ATP2B2: variants seen among roughly 807,000 people sequenced by gnomAD.
ATP2B2 encodes the protein ATPase plasma membrane Ca2+ transporting 2.
ATP2B2 carries 15 observed loss-of-function variants against 120.0 expected under a neutral mutation model. That is an observed-to-expected ratio of 0.12 (90% CI 0.08 to 0.19). ATP2B2 has a LOEUF of 0.19. ATP2B2 is among the 10% of genes least tolerant of loss of function. The probability of loss-of-function intolerance (pLI) is 1.00; values close to 1 mark genes in which losing one functional copy is unlikely to be tolerated. For synonymous variants in ATP2B2, 694 were observed against 700.3 expected (o/e 0.99, Z 0.14); for missense variants, 1,045 against 1,719.8 (o/e 0.61, Z 6.94).
intron 3 of ATP2B2, among the ~76,000 whole-genome samples, chr3:10,514,974 A>G (rs2066848513): frequency 6.6e-6 from 1 of 151,990 alleles, no homozygotes; most frequent in Admixed American, 6.6e-5. Flanking sequence ...AGCCTTCCTG[A>G]CCTCCCCAGG....
intron 2 of ATP2B2, chr3:10,570,470 T>G (rs1317198808): frequency 1.3e-5 from 2 of 150,826 alleles, no homozygotes; most frequent in East Asian, 3.8e-4. Context: ...TGTTAGTGAT[T>G]TTAAGAAACC....
In ATP2B2 at chr3:10,347,055, C is replaced by A. The variant is rs1448426375; in HGVS notation, c.2405-918G>T. The stretch of plus-strand genomic sequence containing the variant: ...ACACCCATGTCTGAACCAGTTCCGT[C>A]CCCCAGCCATCCCCGGAATGTCGTT... On this transcript the variant is annotated intron_variant, in intron 16 of 22. Coordinates refer to ENST00000360273, the MANE Select transcript of ATP2B2 (RefSeq NM_001001331.4). This position sits in a 1 kb window ranked among gnomAD's most constrained non-coding sequence, Gnocchi z 5.2. Among the ~76,000 whole-genome samples, 1 of 152,178 alleles carries A rather than the reference C, an allele frequency of 6.6e-6. No individual in the cohort carries two copies. Among genetic ancestry groups the A allele is most frequent in the Non-Finnish European group, 1.5e-5 (1 of 68,026 alleles).
At chr3:10,613,015 G>T (rs1254120097) in intron 2 of ATP2B2, among the ~76,000 whole-genome samples, 2 of 152,164 alleles carry the variant, frequency 1.3e-5, no homozygotes, top group Non-Finnish European at 2.9e-5. Flanking sequence ...ACAGAGTTGG[G>T]GCTTTGAGCC....
At chr3:10,502,139 G>C (rs1325528053) in intron 1 of ATP2B2, among the ~76,000 whole-genome samples, 1 of 152,176 alleles carries the variant, frequency 6.6e-6, no homozygotes, top group African/African-American at 2.4e-5. Flanking sequence ...TCTGACCTCC[G>C]ATCTGCAAAC....
At chr3:10,376,010 T>C (rs540886274) in intron 10 of ATP2B2, among the ~76,000 whole-genome samples, 8 of 152,342 alleles carry the variant, frequency 5.3e-5, no homozygotes, top group African/African-American at 1.4e-4. Context: ...ATGGTTTGCA[T>C]TGAGCTTTCA....
At chr3:10,670,562 C>T (rs865939117) in intron 1 of ATP2B2, among the ~76,000 whole-genome samples, 8 of 151,960 alleles carry the variant, frequency 5.3e-5, no homozygotes, top group Admixed American at 1.3e-4. Flanking sequence ...GGATTACAGG[C>T]GCCCGCCACC....
chr3:10,441,497 C>A lies in ATP2B2; in HGVS notation c.199+7848G>T, dbSNP rs569228393. ...TCAAGTGATCCACCTACCTTGGCCT[C>A]CCAAAGTGCTGGGATTACTGGTGCG... is the stretch of plus-strand genomic sequence containing the variant. On this transcript the variant is annotated intron_variant, in intron 2 of 22. Coordinates refer to ENST00000360273, the MANE Select transcript of ATP2B2 (RefSeq NM_001001331.4). Among the ~76,000 whole-genome samples the A allele has an allele frequency of 4.6e-4, 70 of 152,354 alleles. 1 individual carries two copies. Among genetic ancestry groups the A allele is most frequent in the Admixed American group, 4.4e-3 (68 of 15,310 alleles).
chr3:10,498,932 T>C (rs931270277), intron 1 of ATP2B2, among the ~76,000 whole-genome samples: 4 of 152,176 alleles, frequency 2.6e-5, no homozygotes, highest in Non-Finnish European at 5.9e-5. Context: ...ATATTTCGAA[T>C]GCCTGGCATG....
chr3:10,501,358 C>T (rs2066381851), intron 1 of ATP2B2, among the ~76,000 whole-genome samples: 1 of 149,786 alleles, frequency 6.7e-6, no homozygotes, highest in Non-Finnish European at 1.5e-5. Flanking sequence ...CATAGCATAA[C>T]CCATTTTTTA....
intron 2 of ATP2B2, among the ~76,000 whole-genome samples, chr3:10,547,191 A>G (rs1287568970): frequency 1.3e-5 from 2 of 151,758 alleles, no homozygotes; most frequent in Non-Finnish European, 2.9e-5. Context: ...CTCACAGTAG[A>G]TGTAGGAAAT....
intron 2 of ATP2B2, chr3:10,534,163 G>A (rs2067263309): frequency 6.6e-6 from 1 of 152,610 alleles, no homozygotes; most frequent in South Asian, 2.1e-4. Flanking sequence ...GCATTAGTTA[G>A]GGGTGGGTGA....
chr3:10,629,586 C>G (rs906044370), intron 1 of ATP2B2, among the ~76,000 whole-genome samples: 2 of 152,158 alleles, frequency 1.3e-5, no homozygotes, highest in East Asian at 3.9e-4. Flanking sequence ...TTTTCAGAGG[C>G]AGAGGCATAG....
chr3:10,507,764 T>A (rs2066675157), upstream of ATP2B2, among the ~76,000 whole-genome samples: 1 of 152,198 alleles, frequency 6.6e-6, no homozygotes, highest in African/African-American at 2.4e-5. Context: ...CATTTGATCC[T>A]CCCAACTACC....
intron 2 of ATP2B2, among the ~76,000 whole-genome samples, chr3:10,585,718 C>T (rs1482086122): frequency 1.3e-5 from 2 of 152,054 alleles, no homozygotes; most frequent in Non-Finnish European, 2.9e-5. Flanking sequence ...TGTGTGTCTA[C>T]CTCCCTCTGT....
At position 10,345,482 on chromosome 3, in the gene ATP2B2, G is replaced by A. The variant is rs1559538483; in HGVS notation, c.2605C>T (p.Arg869Cys). Residue 869 changes from arginine (R) to cysteine (C), a missense_variant, in exon 18 of 23, where the codon CGC becomes TGC. Physicochemically the swap from Arg to Cys is radical, Grantham distance 180. This residue lies in a region of ATP2B2 where 98 missense variants were observed against 266.7 expected (regional missense o/e 0.37). Coordinates refer to ENST00000360273, the MANE Select transcript of ATP2B2 (RefSeq NM_001001331.4). ...SSIVKAVMWGRNVYDSISKFL... is the reference protein window; with the variant it reads ...SSIVKAVMWGCNVYDSISKFL... ...TTGGAGATGCTGTCATAGACGTTGCGGCCCCACATCACTGCCTTGACGATG... is the reference window on the plus strand; with the variant it reads ...TTGGAGATGCTGTCATAGACGTTGCAGCCCCACATCACTGCCTTGACGATG... 1 of 1,614,192 alleles carries A rather than the reference G, an allele frequency of 6.2e-7. No individual in the cohort carries two copies. The highest frequency in any genetic ancestry group is 8.5e-7 in the Non-Finnish European group (1 of 1,180,026).
chr3:10,703,227 AG>A (rs1162043986), intron 1 of ATP2B2, among the ~76,000 whole-genome samples: 2 of 152,150 alleles, frequency 1.3e-5, no homozygotes, highest in East Asian at 3.9e-4. Context: ...ACATGGGAAG[AG>A]GGATGGGCTA....
chr3:10,340,233 G>A lies in ATP2B2; in HGVS notation c.3237+9C>T. On this transcript the variant is annotated intron_variant, in intron 21 of 22. Coordinates refer to ENST00000360273, the MANE Select transcript of ATP2B2 (RefSeq NM_001001331.4). This position sits in a 1 kb window ranked among gnomAD's most constrained non-coding sequence, Gnocchi z 5.0. ...AACAGGCACCTCCTGCGACCTACCAGGAACTTACCTGGCCCCAAACGAGCT... is the reference window on the plus strand; with the variant it reads ...AACAGGCACCTCCTGCGACCTACCAAGAACTTACCTGGCCCCAAACGAGCT... 1 of 1,613,734 alleles carries A rather than the reference G, an allele frequency of 6.2e-7. No homozygotes were observed. Among genetic ancestry groups the A allele is most frequent in the Non-Finnish European group, 8.5e-7 (1 of 1,179,878 alleles).
At chr3:10,655,578 C>T (rs1023128502) in intron 1 of ATP2B2, among the ~76,000 whole-genome samples, 2 of 152,198 alleles carry the variant, frequency 1.3e-5, no homozygotes, top group Admixed American at 6.5e-5. Context: ...TGCCAGGTCC[C>T]AGAGCCCATC....
At chr3:10,410,499 T>G in intron 3 of ATP2B2, 119 bp downstream of exon 3, 1 of 1,312,474 alleles carries the variant, frequency 7.6e-7, no homozygotes, top group Non-Finnish European at 1.0e-6. Context: ...CCCTGCCCCT[T>G]GGACCTCGGT....
Sources: allele counts gnomAD v4.1 joint callset (sites outside exome capture counted in the v4.1 genomes callset), GRCh38; gene constraint gnomAD v4.1.1; regional missense constraint gnomAD v4.1.1; non-coding constraint Gnocchi (gnomAD v3.1); transcripts MANE v1.5; gene names NCBI Gene and HGNC (gene_info 2026-07-23, HGNC 2026-07-21).